The following CYP3A43 variants were observed in gnomAD, a reference collection of about 807,000 sequenced individuals.
CYP3A43 encodes the protein cytochrome P450 family 3 subfamily A member 43, also known as cytochrome P450 3A43.
In CYP3A43, 45 loss-of-function variants were observed where a neutral mutation model predicts 58.0. That is an observed-to-expected ratio of 0.78 (90% CI 0.61 to 0.99). The LOEUF (loss-of-function observed/expected upper bound fraction) is 0.99, where lower values mean the gene tolerates loss of function less well. Ranked by LOEUF, CYP3A43 falls within the 50% of genes least tolerant of loss-of-function variation. CYP3A43 has a pLI of 0.00. For missense variants in CYP3A43, 593 were observed against 591.9 expected, an observed-to-expected ratio of 1.00 and a Z score of -0.02; for synonymous variants, 191 against 201.4, an observed-to-expected ratio of 0.95 and a Z score of 0.44.
Position 99,844,151 on chromosome 7 carries a change from A to G in CYP3A43, c.227A>G (p.Glu76Gly). The change falls in exon 4 of 13, where the codon GAG (glutamate) becomes GGG (glycine). Residue 76 changes from glutamate (E) to glycine (G), a missense_variant. Glu to Gly is a moderately conservative substitution (Grantham distance 98, BLOSUM62 -2). Transcript: ENST00000354829. The stretch of plus-strand genomic sequence containing the variant: ...TGTTTTCCCCCACACAGGCTGTATG[A>G]GGGGCAACAGCCCATGCTGGTCATC... ...EKYGEMWGLY[E>G]GQQPMLVIMD... The G allele has an allele frequency of 6.2e-7, 1 of 1,613,246 alleles. No individual in the cohort carries two copies.
In CYP3A43 at chr7:99,836,444, A is replaced by G; in HGVS notation, c.72-9A>G. On this transcript the variant is annotated splice_polypyrimidine_tract_variant and intron_variant, in intron 1 of 12. Transcript: ENST00000354829. ...TTTCTGTAACCTGGCTTTCTCTTTTATTTTATAGTTATGGGACCCATTCAC... is the reference window on the plus strand; with the variant it reads ...TTTCTGTAACCTGGCTTTCTCTTTTGTTTTATAGTTATGGGACCCATTCAC... 2 of 1,607,376 alleles carry G rather than the reference A, an allele frequency of 1.2e-6. No individual in the cohort carries two copies. Among genetic ancestry groups the G allele is most frequent in the South Asian group, 1.1e-5 (1 of 90,824 alleles).
chr7:99,838,841 G>A (rs1338309513), intron 2 of CYP3A43: 7 of 527,390 alleles, frequency 1.3e-5, no homozygotes, highest in South Asian at 1.2e-4. Context: ...TTAGCTGGGT[G>A]TGGTGGCGGG....
At chr7:99,843,517 G>A (rs1202391458) in intron 3 of CYP3A43, among the ~76,000 whole-genome samples, 1 of 151,970 alleles carries the variant, frequency 6.6e-6, no homozygotes, top group African/African-American at 2.4e-5. Context: ...CCAGGCTGGA[G>A]TGCAGTGATG....
In CYP3A43 at chr7:99,861,773, T is replaced by G; in HGVS notation, c.1187T>G (p.Val396Gly). 1 of 1,614,086 alleles carries G rather than the reference T, an allele frequency of 6.2e-7. No individual in the cohort carries two copies. The highest frequency in any genetic ancestry group is 8.5e-7 in the Non-Finnish European group (1 of 1,179,988). ...ATTCCCAAAGGGTTAGCAGTGATGG[T>G]TCCAATCTATGCTCTTCACCATGAC... ...VFIPKGLAVM[V>G]PIYALHHDPK... is the part of the protein sequence containing the mutation. The change falls in exon 11 of 13, where the codon GTT becomes GGT. Residue 396 changes from valine (V) to glycine (G), a missense_variant. Val to Gly is a moderately radical substitution (Grantham distance 109). Transcript: ENST00000354829.
intron 3 of CYP3A43, among the ~76,000 whole-genome samples, chr7:99,842,683 G>C (rs1371920070): frequency 6.6e-6 from 1 of 152,186 alleles, no homozygotes; most frequent in East Asian, 1.9e-4. Flanking sequence ...GTTATGGTTG[G>C]AAACTGAGTC....
chr7:99,838,459 G>T (rs1380844241), intron 2 of CYP3A43, among the ~76,000 whole-genome samples: 1 of 152,164 alleles, frequency 6.6e-6, no homozygotes, highest in Non-Finnish European at 1.5e-5. Flanking sequence ...GTCAGCCTCG[G>T]TTTCTTCATG....
intron 3 of CYP3A43, among the ~76,000 whole-genome samples, chr7:99,842,687 C>G (rs1305585909): frequency 6.6e-6 from 1 of 152,188 alleles, no homozygotes; most frequent in Non-Finnish European, 1.5e-5. Flanking sequence ...TGGTTGGAAA[C>G]TGAGTCATGC....
intron 1 of CYP3A43, among the ~76,000 whole-genome samples, chr7:99,830,825 G>A (rs1261028300): frequency 2.0e-5 from 3 of 152,164 alleles, no homozygotes; most frequent in African/African-American, 7.2e-5. Flanking sequence ...CCTATTAATT[G>A]ATCTACTGTT....
In CYP3A43 at chr7:99,836,475, C is replaced by T. The variant is rs766188388; in HGVS notation, c.94C>T (p.Leu32Phe). ...TAGTTATGGGACCCATTCACATAAA[C>T]TTTTTAAGAAGCTGGGAATTCCTGG... Reference protein sequence around the residue: ...LYIYGTHSHKLFKKLGIPGPT... With the variant: ...LYIYGTHSHKFFKKLGIPGPT... The change falls in exon 2 of 13, where the codon CTT becomes TTT. Residue 32 changes from leucine (L) to phenylalanine (F), a missense_variant. By Grantham distance (22) the Leu-to-Phe change is conservative. Transcript: ENST00000354829. The T allele has an allele frequency of 1.9e-6, 3 of 1,610,954 alleles. No individual in the cohort carries two copies. Among genetic ancestry groups the T allele is most frequent in the Non-Finnish European group, 2.5e-6 (3 of 1,179,338 alleles).
intron 1 of CYP3A43, among the ~76,000 whole-genome samples, chr7:99,832,013 C>A (rs1816860814): frequency 2.0e-5 from 3 of 152,006 alleles, no homozygotes; most frequent in African/African-American, 7.3e-5. Flanking sequence ...CCAGTGGAAG[C>A]CTTGAATATG....
intron 3 of CYP3A43, among the ~76,000 whole-genome samples, chr7:99,843,686 G>A (rs931161472): frequency 4.6e-5 from 7 of 151,862 alleles, no homozygotes; most frequent in South Asian, 2.1e-4. Flanking sequence ...GGCTTGTCTC[G>A]AACTCCTGAC....
At chr7:99,836,378 T>G in intron 1 of CYP3A43, 75 bp from the exon 2 acceptor site, 1 of 1,163,444 alleles carries the variant, frequency 8.6e-7, no homozygotes, top group South Asian at 1.3e-5. Context: ...TTCCAGTTCC[T>G]GAGGTAATGT....
chr7:99,828,823 G>A (rs1816726256), intron 1 of CYP3A43, among the ~76,000 whole-genome samples: 1 of 152,082 alleles, frequency 6.6e-6, no homozygotes, highest in African/African-American at 2.4e-5. Context: ...ATCTGACTAA[G>A]GGAAGATCTT....
intron 12 of CYP3A43, among the ~76,000 whole-genome samples, chr7:99,864,073 A>T (rs1765174241): frequency 6.7e-6 from 1 of 148,482 alleles, no homozygotes; most frequent in African/African-American, 2.6e-5. Context: ...CTCCACTAGA[A>T]CTCACTAGAA....
At chr7:99,860,598 G>A (rs1458912495) in intron 10 of CYP3A43, among the ~76,000 whole-genome samples, 1 of 152,198 alleles carries the variant, frequency 6.6e-6, no homozygotes, top group Non-Finnish European at 1.5e-5. Flanking sequence ...ATGGTGTAAC[G>A]AGATCTGGCC....
rs188360071 is a variant in CYP3A43 at position 99,853,250 on chromosome 7, A to G, written c.671-2341A>G. On this transcript the variant is annotated intron_variant, in intron 7 of 12. Coordinates refer to ENST00000354829, the MANE Select transcript of CYP3A43 (RefSeq NM_057095.3). ...GGCCTTTTCTTTGTGGGTAGTTTTGATTACTGATTCAATGCCTTTATATGT... is the reference window on the plus strand; with the variant it reads ...GGCCTTTTCTTTGTGGGTAGTTTTGGTTACTGATTCAATGCCTTTATATGT... Among the ~76,000 whole-genome samples, 457 of 152,174 alleles carry G rather than the reference A, an allele frequency of 3.0e-3. 3 individuals are homozygous for G. Among genetic ancestry groups the G allele is most frequent in the Admixed American group, 3.5e-3 (54 of 15,284 alleles).
chr7:99,854,402 T>C (rs1158669980), intron 7 of CYP3A43, among the ~76,000 whole-genome samples: 2 of 152,008 alleles, frequency 1.3e-5, no homozygotes, highest in African/African-American at 2.4e-5. Flanking sequence ...GGACGGGGTT[T>C]TGCCATGTTG....
In CYP3A43 at chr7:99,844,193, T is replaced by A. The variant is rs757573296; in HGVS notation, c.269T>A (p.Ile90Asn). ...PMLVIMDPDM[I>N]KTVLVKECYS... ...CTGGTCATCATGGATCCCGACATGA[T>A]CAAAACAGTGTTAGTGAAAGAATGT... is the stretch of plus-strand genomic sequence containing the variant. The change falls in exon 4 of 13, where the codon ATC (isoleucine) becomes AAC (asparagine). Residue 90 changes from isoleucine (I) to asparagine (N), a missense_variant. Coordinates refer to ENST00000354829, the MANE Select transcript of CYP3A43 (RefSeq NM_057095.3). 2 of 1,614,046 alleles carry A rather than the reference T, an allele frequency of 1.2e-6. No homozygotes were observed. Among genetic ancestry groups the A allele is most frequent in the Non-Finnish European group, 1.7e-6 (2 of 1,179,972 alleles).
intron 7 of CYP3A43, among the ~76,000 whole-genome samples, chr7:99,852,057 C>T (rs912251538): frequency 1.3e-5 from 2 of 152,178 alleles, no homozygotes; most frequent in Non-Finnish European, 1.5e-5. Context: ...GTTGAAAAGA[C>T]GATTTTGTCC....
Sources: gnomAD v4.1 joint callset for allele counts (sites outside exome capture counted in the v4.1 genomes callset) on GRCh38, gnomAD v4.1.1 for gene constraint, MANE v1.5 for transcripts, NCBI Gene and HGNC (gene_info 2026-07-23, HGNC 2026-07-21) for gene names.